Variants in RBFOX1 observed in about 807,000 individuals in gnomAD.
RBFOX1 encodes RNA binding fox-1 homolog 1.
Under a neutral mutation model 57.7 loss-of-function variants are expected in RBFOX1, and 8 were observed. The observed-to-expected ratio is 0.14, with a 90% CI of 0.08 to 0.25. The LOEUF is 0.25. Among genes scored for constraint, RBFOX1 ranks in the 10% least tolerant of loss-of-function variants. The pLI is 1.00. For missense variants in RBFOX1, 611 were observed against 548.5 expected (o/e 1.11, Z -1.14); for synonymous variants, 326 against 222.4 (o/e 1.47, Z -4.15).
At chr16:7,027,747 T>A (rs775126218) in intron 3 of RBFOX1, among the ~76,000 whole-genome samples, 3 of 151,874 alleles carry the variant, frequency 2.0e-5, no homozygotes, top group Non-Finnish European at 2.9e-5. Flanking sequence ...CTTCTTTCCT[T>A]TTATATTTGT....
In RBFOX1 at chr16:6,260,796, G is replaced by A. The variant is rs561102116; in HGVS notation, c.-126-56199G>A. On this transcript the variant is annotated intron_variant, in intron 1 of 15. Coordinates refer to ENST00000550418, the MANE Select transcript of RBFOX1 (RefSeq NM_018723.4). ...CTCCAGGGGCTGAGGCAAGAGAATCGCTTGAACCTGGGAGGCAGAGGTTGC... is the reference window on the plus strand; with the variant it reads ...CTCCAGGGGCTGAGGCAAGAGAATCACTTGAACCTGGGAGGCAGAGGTTGC... 5.9e-5 allele frequency among the ~76,000 whole-genome samples: 9 copies of A among 152,118 alleles called. No homozygotes were observed. In the East Asian group the frequency reaches 1.6e-3, roughly 26 times the overall value.
intron 4 of RBFOX1, among the ~76,000 whole-genome samples, chr16:7,504,773 A>ATATATATT (rs2072557244): frequency 1.1e-4 from 1 of 9,396 alleles, no homozygotes; most frequent in African/African-American, 2.4e-4. Flanking sequence ...ATATATATTT[A>ATATATATT]TATATATATA....
At chr16:6,391,719 G>A (rs892060968) in intron 2 of RBFOX1, among the ~76,000 whole-genome samples, 13 of 152,230 alleles carry the variant, frequency 8.5e-5, no homozygotes, top group Middle Eastern at 3.4e-3. Flanking sequence ...AAAGTTGACA[G>A]AATTTATTTG....
chr16:5,325,059 C>T (rs560836742), intron 1 of RBFOX1, among the ~76,000 whole-genome samples: 33 of 152,200 alleles, frequency 2.2e-4, no homozygotes, highest in East Asian at 2.1e-3. Flanking sequence ...GCACATGAGC[C>T]GCTAAACTTA....
intron 2 of RBFOX1, among the ~76,000 whole-genome samples, chr16:6,610,587 C>T (rs1236529024): frequency 2.6e-5 from 4 of 152,152 alleles, no homozygotes. Flanking sequence ...ACCTTAGCCT[C>T]CCGAAATGCT....
intron 2 of RBFOX1, among the ~76,000 whole-genome samples, chr16:6,547,336 T>C (rs1385624990): frequency 6.6e-6 from 1 of 152,220 alleles, no homozygotes; most frequent in Non-Finnish European, 1.5e-5. Flanking sequence ...TGACTACTTA[T>C]TTTCTATACA....
intron 4 of RBFOX1, among the ~76,000 whole-genome samples, chr16:7,076,827 G>T (rs1598828630): frequency 1.3e-5 from 2 of 152,174 alleles, no homozygotes; most frequent in East Asian, 3.9e-4. Context: ...TGTGAGCCCT[G>T]GGGATAATGA....
intron 2 of RBFOX1, among the ~76,000 whole-genome samples, chr16:6,346,360 C>G (rs1213724241): frequency 6.6e-6 from 1 of 152,170 alleles, no homozygotes; most frequent in Non-Finnish European, 1.5e-5. Context: ...CAAACTACAG[C>G]CTAATTTAGT....
chr16:5,917,625 C>A (rs924637410), intron 4 of RBFOX1, among the ~76,000 whole-genome samples: 4 of 152,182 alleles, frequency 2.6e-5, no homozygotes, highest in Admixed American at 2.6e-4. Context: ...TGCCTCCTTT[C>A]TCCTGGGCCC....
chr16:6,542,089 G>A (rs959216316), intron 2 of RBFOX1, among the ~76,000 whole-genome samples: 1 of 151,958 alleles, frequency 6.6e-6, no homozygotes, highest in Admixed American at 6.6e-5. Context: ...CCATCACACA[G>A]AGATAACTTT....
chr16:6,912,400 A>G (rs2071873809), intron 3 of RBFOX1, among the ~76,000 whole-genome samples: 1 of 151,926 alleles, frequency 6.6e-6, no homozygotes, highest in Admixed American at 6.6e-5. Context: ...TTTGCGAACC[A>G]CGGGGCTACT....
In RBFOX1 at chr16:6,019,819, C is replaced by G; in HGVS notation, c.-300C>G. The G allele has an allele frequency of 6.6e-7, 1 of 1,504,508 alleles. No individual in the cohort carries two copies. Among genetic ancestry groups the G allele is most frequent in the South Asian group, 1.2e-5 (1 of 81,392 alleles). The allele number at this position is 1,504,508 out of a possible 1,614,324, so 93.2% of individuals were successfully genotyped here. A position where few individuals can be genotyped will look rare whatever the true frequency, so the allele number is the denominator to read the frequency against. ...GACCCTCGCCGCGCCCAGGCAGGCG[C>G]GCCAGGGCGGGGCTGACCTGCCCGC... On this transcript the variant is annotated 5_prime_UTR_variant, in exon 1 of 16. Transcript: ENST00000550418. The surrounding 1 kb of genome is among the most constrained non-coding windows in gnomAD (Gnocchi z 4.2).
At chr16:7,323,139 C>G (rs1479611844) in intron 4 of RBFOX1, among the ~76,000 whole-genome samples, 1 of 152,172 alleles carries the variant, frequency 6.6e-6, no homozygotes, top group South Asian at 2.1e-4. Context: ...AATGTCCAAG[C>G]TAAGACTGGG....
At chr16:7,083,247 G>T (rs1478713) in intron 4 of RBFOX1, among the ~76,000 whole-genome samples, 1 of 151,864 alleles carries the variant, frequency 6.6e-6, no homozygotes, top group African/African-American at 2.4e-5. Context: ...TACAGGGATT[G>T]TAACACCTCC....
chr16:6,532,713 C>T (rs1229399119), intron 2 of RBFOX1, among the ~76,000 whole-genome samples: 2 of 152,138 alleles, frequency 1.3e-5, no homozygotes, highest in African/African-American at 4.8e-5. Flanking sequence ...GACAGTTGCA[C>T]TGGACTCCAT....
intron 5 of RBFOX1, among the ~76,000 whole-genome samples, chr16:7,574,345 TA>T (rs2093097663): frequency 6.6e-6 from 1 of 152,150 alleles, no homozygotes; most frequent in Admixed American, 6.5e-5. Flanking sequence ...GATGTTTATG[TA>T]AAGGGGAATT....
At chr16:6,265,824 C>T (rs2074413121) in intron 1 of RBFOX1, among the ~76,000 whole-genome samples, 1 of 152,074 alleles carries the variant, frequency 6.6e-6, no homozygotes, top group Non-Finnish European at 1.5e-5. Flanking sequence ...TCCTTCTGCC[C>T]CCTCTTCTGC....
intron 4 of RBFOX1, among the ~76,000 whole-genome samples, chr16:7,110,156 C>T (rs2064408565): frequency 6.7e-6 from 1 of 149,468 alleles, no homozygotes; most frequent in African/African-American, 2.5e-5. Context: ...GTGAGACCAG[C>T]CTGGGCAACA....
At chr16:6,430,088 A>G (rs2094034972) in intron 2 of RBFOX1, among the ~76,000 whole-genome samples, 2 of 152,008 alleles carry the variant, frequency 1.3e-5, no homozygotes. Flanking sequence ...AGCCTGGGCA[A>G]CAAGAGCGAA....
Sources: gnomAD v4.1 joint callset for allele counts (sites outside exome capture counted in the v4.1 genomes callset) on GRCh38, gnomAD v4.1.1 for gene constraint, Gnocchi (gnomAD v3.1) non-coding constraint, MANE v1.5 for transcripts, NCBI Gene and HGNC (gene_info 2026-07-23, HGNC 2026-07-21) for gene names.